The following ASPA variants were observed in gnomAD, a reference collection of about 807,000 sequenced individuals.
ASPA encodes the protein aspartoacylase, also known as ACY-2.
A neutral mutation model predicts 29.6 loss-of-function variants in ASPA; 25 were observed. That is an observed-to-expected ratio of 0.85 (90% CI 0.62 to 1.18). ASPA has a LOEUF of 1.18. ASPA is among the 50% of genes most tolerant of loss of function. The probability of loss-of-function intolerance (pLI) is 0.00; values close to 1 mark genes in which losing one functional copy is unlikely to be tolerated. For missense variants in ASPA, 333 were observed against 385.7 expected (o/e 0.86, Z 1.14); for synonymous variants, 131 against 130.3 (o/e 1.01, Z -0.04).
rs778634350 is a variant in ASPA at position 3,490,475 on chromosome 17, A to G, written c.634+1133A>G. ...AATTGTTGTTGAGGAATGGGCAATTATAATAACAGAGGGGGTGTGTACTTC... is the reference window on the plus strand; with the variant it reads ...AATTGTTGTTGAGGAATGGGCAATTGTAATAACAGAGGGGGTGTGTACTTC... On this transcript the variant is annotated intron_variant, in intron 4 of 5. Coordinates refer to ENST00000263080, the MANE Select transcript of ASPA (RefSeq NM_000049.4). The surrounding 1 kb of genome is among the most constrained non-coding windows in gnomAD (Gnocchi z 4.6). 5.9e-5 allele frequency among the ~76,000 whole-genome samples: 9 copies of G among 152,232 alleles called. No homozygotes were observed. Among genetic ancestry groups the G allele is most frequent in the Non-Finnish European group, 1.2e-4 (8 of 68,038 alleles).
At chr17:3,497,804 G>T (rs2073933639) in intron 5 of ASPA, among the ~76,000 whole-genome samples, 1 of 152,184 alleles carries the variant, frequency 6.6e-6, no homozygotes, top group African/African-American at 2.4e-5. Flanking sequence ...GGGTGATGCG[G>T]ATGCTGCTGG....
At chr17:3,486,962 A>T (rs4790496) in intron 3 of ASPA, among the ~76,000 whole-genome samples, 42,153 of 151,996 alleles carry the variant, frequency 0.28, 6,361 homozygotes, top group East Asian at 0.58. Context: ...TACACAAATA[A>T]CTTTCCTAAG....
At chr17:3,497,313 G>A (rs2073925960) in intron 5 of ASPA, among the ~76,000 whole-genome samples, 1 of 152,198 alleles carries the variant, frequency 6.6e-6, no homozygotes, top group African/African-American at 2.4e-5. Context: ...ATAGTTCTCA[G>A]CCGAGCCACC....
In ASPA at chr17:3,488,100, A is replaced by G. The variant is rs1474754724; in HGVS notation, c.527-1135A>G. Among the ~76,000 whole-genome samples, 1 of 152,232 alleles carries G rather than the reference A, an allele frequency of 6.6e-6. No individual in the cohort carries two copies. The highest frequency in any genetic ancestry group is 6.5e-5 in the Admixed American group (1 of 15,284). On this transcript the variant is annotated intron_variant, in intron 3 of 5. Transcript: ENST00000263080. This position sits in a 1 kb window ranked among gnomAD's most constrained non-coding sequence, Gnocchi z 6.1. ...CGGGTGAAAACAAGATGAGTGTAAA[A>G]GAATGCAGTATGTTAATGGGATGGA...
At chr17:3,474,312 C>G (rs1163422932), upstream of ASPA, 3 of 152,190 alleles carry the variant, frequency 2.0e-5, no homozygotes, top group South Asian at 6.2e-4. Flanking sequence ...AAACAAGCTT[C>G]AAAATGCAAG....
At chr17:3,487,734 C>G (rs533304573) in intron 3 of ASPA, among the ~76,000 whole-genome samples, 4 of 152,142 alleles carry the variant, frequency 2.6e-5, no homozygotes, top group Non-Finnish European at 5.9e-5. Flanking sequence ...TTGACTTAAA[C>G]TATTCAACAT....
intron 1 of ASPA, 63 bp from the exon 2 acceptor site, chr17:3,481,540 A>C: frequency 1.4e-6 from 2 of 1,463,914 alleles, no homozygotes; most frequent in South Asian, 1.2e-5. Flanking sequence ...CTGTGTTCTT[A>C]TTATATGTTT....
intron 1 of ASPA, among the ~76,000 whole-genome samples, chr17:3,481,333 TTC>T (rs1273960374): frequency 2.6e-5 from 4 of 152,210 alleles, no homozygotes; most frequent in Non-Finnish European, 4.4e-5. Flanking sequence ...AAATGATAAA[TTC>T]TGTTTGATAT....
chr17:3,476,046 A>G lies in ASPA; in HGVS notation c.-114A>G, dbSNP rs534332079. Reference sequence around the variant, plus strand: ...TATACTCCACTCAAGGGAATTCTGTACTTTGCCCTTTGGGTAAAGTCTCAT... The same window carrying G: ...TATACTCCACTCAAGGGAATTCTGTGCTTTGCCCTTTGGGTAAAGTCTCAT... On this transcript the variant is annotated 5_prime_UTR_variant, in exon 1 of 6. Coordinates refer to ENST00000263080, the MANE Select transcript of ASPA (RefSeq NM_000049.4). 6 of 972,702 alleles carry G rather than the reference A, an allele frequency of 6.2e-6. No individual in the cohort carries two copies. The Admixed American group carries it at 1.2e-4, about 19-fold the overall frequency. 60.3% of individuals were successfully genotyped at this position (972,702 alleles called of 1,614,324 possible). A position where few individuals can be genotyped will look rare whatever the true frequency, so the allele number is the denominator to read the frequency against.
intron 3 of ASPA, among the ~76,000 whole-genome samples, chr17:3,487,686 C>G (rs762962107): frequency 3.3e-5 from 5 of 152,176 alleles, no homozygotes; most frequent in Non-Finnish European, 7.3e-5. Flanking sequence ...AATAAAGATT[C>G]CTTCATTCTT....
intron 5 of ASPA, among the ~76,000 whole-genome samples, chr17:3,496,467 C>A (rs930281359): frequency 6.6e-6 from 1 of 152,142 alleles, no homozygotes; most frequent in East Asian, 1.9e-4. Context: ...AGATGAGAAG[C>A]CAGCCATGTG....
In ASPA at chr17:3,500,649, C is replaced by G. The variant is rs2073978825; in HGVS notation, c.*1561C>G. Reference sequence around the variant, plus strand: ...TCCCCAGTAGCTGAGATTACAGGTGCCTGCCACCACGCCCGGCTAATTTTT... The same window carrying G: ...TCCCCAGTAGCTGAGATTACAGGTGGCTGCCACCACGCCCGGCTAATTTTT... On this transcript the variant is annotated 3_prime_UTR_variant, in exon 6 of 6. Coordinates refer to ENST00000263080, the MANE Select transcript of ASPA (RefSeq NM_000049.4). 1 of 152,234 alleles carries G rather than the reference C, an allele frequency of 6.6e-6. No individual in the cohort carries two copies. The highest frequency in any genetic ancestry group is 2.4e-5 in the African/African-American group (1 of 41,402). 9.4% of individuals were successfully genotyped at this position (152,234 alleles called of 1,614,324 possible).
In ASPA at chr17:3,481,762, G is replaced by T. The variant is rs766883736; in HGVS notation, c.396G>T (p.Arg132Ser). 6.2e-7 allele frequency: 1 copy of T among 1,612,414 alleles called. No individual in the cohort carries two copies. ...GCACTCTTATTCTTGAGGATTCCAG[G>T]AATAACTTTTTAATTCAGATGTTTC... The part of the protein sequence containing the change: ...MGCTLILEDS[R>S]NNFLIQMFHY... The change falls in exon 2 of 6, where the codon AGG becomes AGT. Residue 132 changes from arginine to serine, a missense_variant. Transcript: ENST00000263080.
intron 3 of ASPA, among the ~76,000 whole-genome samples, chr17:3,489,010 G>A (rs1355170753): frequency 6.6e-6 from 1 of 152,096 alleles, no homozygotes; most frequent in Non-Finnish European, 1.5e-5. Flanking sequence ...TTTTTTCCAT[G>A]TTCTTTCCCA....
At chr17:3,479,505 A>G (rs1273633457) in intron 1 of ASPA, among the ~76,000 whole-genome samples, 1 of 152,230 alleles carries the variant, frequency 6.6e-6, no homozygotes, top group Non-Finnish European at 1.5e-5. Context: ...TAGGCTGTCC[A>G]GGGCTGATGG....
intron 1 of ASPA, among the ~76,000 whole-genome samples, chr17:3,479,043 A>G (rs1469490779): frequency 1.3e-5 from 2 of 152,082 alleles, no homozygotes; most frequent in African/African-American, 2.4e-5. Context: ...CCTGTCATCT[A>G]TTTTCCATCT....
chr17:3,491,877 C>CTTTTTTTTTTTTTT (rs540965896), intron 4 of ASPA, among the ~76,000 whole-genome samples: 2 of 123,060 alleles, frequency 1.6e-5, no homozygotes, highest in African/African-American at 3.1e-5. Context: ...CTTTTGTTTT[C>CTTTTTTTTTTTTTT]TTTTTTTTTT....
At chr17:3,494,985 G>A (rs972791031) in intron 5 of ASPA, among the ~76,000 whole-genome samples, 1 of 150,300 alleles carries the variant, frequency 6.7e-6, no homozygotes, top group Non-Finnish European at 1.5e-5. Flanking sequence ...ATAAGTTAGA[G>A]AAAAACGACT....
chr17:3,499,565 T>C lies in ASPA; in HGVS notation c.*477T>C, dbSNP rs1415621132. On this transcript the variant is annotated 3_prime_UTR_variant, in exon 6 of 6. Transcript: ENST00000263080. ...TCCTTGTCTCTGTGTCACCCTTTGA[T>C]AATATTTCAAGCTTTTTTATGATTT... 6.5e-6 allele frequency: 1 copy of C among 152,880 alleles called. No homozygotes were observed. The highest frequency in any genetic ancestry group is 1.5e-5 in the Non-Finnish European group (1 of 68,568). 9.5% of individuals were successfully genotyped at this position (152,880 alleles called of 1,614,324 possible). A position where few individuals can be genotyped will look rare whatever the true frequency, so the allele number is the denominator to read the frequency against.
Sources: gnomAD v4.1 joint callset for allele counts (sites outside exome capture counted in the v4.1 genomes callset) on GRCh38, gnomAD v4.1.1 for gene constraint, Gnocchi (gnomAD v3.1) non-coding constraint, MANE v1.5 for transcripts, NCBI Gene and HGNC (gene_info 2026-07-23, HGNC 2026-07-21) for gene names.